MAPK8: variants seen among roughly 807,000 people sequenced by gnomAD.
The protein encoded by MAPK8 is mitogen-activated protein kinase 8.
In MAPK8, 13 loss-of-function variants were observed where a neutral mutation model predicts 52.9. The ratio of observed to expected loss-of-function variants is 0.25; its 90% CI spans 0.16 to 0.39. The LOEUF (loss-of-function observed/expected upper bound fraction) is 0.39. Ranked by LOEUF, MAPK8 falls within the 10% of genes least tolerant of loss-of-function variation. The pLI, the probability that MAPK8 is intolerant of heterozygous loss-of-function variation, is 1.00. For synonymous variants in MAPK8, 191 were observed against 169.8 expected (o/e 1.12, Z -0.97); for missense variants, 300 against 519.2 (o/e 0.58, Z 4.10).
intron 1 of MAPK8, among the ~76,000 whole-genome samples, chr10:48,363,127 A>C (rs1256704171): frequency 2.6e-5 from 4 of 152,146 alleles, no homozygotes; most frequent in Non-Finnish European, 5.9e-5. Context: ...AATGCACTGC[A>C]GCCTTGAACT....
At chr10:48,413,037 A>G (rs367885853) in intron 5 of MAPK8, among the ~76,000 whole-genome samples, 5 of 152,220 alleles carry the variant, frequency 3.3e-5, no homozygotes, top group African/African-American at 7.2e-5. Context: ...AAGCGGAATC[A>G]TGCAGTATTT....
chr10:48,424,435 G>A lies in MAPK8; in HGVS notation c.688+276G>A, dbSNP rs546814934. ...TTTATAATTTTAAAGTATACATGGTGTGTGTGATTTTATTTCTTTCTTTTT... is the reference window on the plus strand; with the variant it reads ...TTTATAATTTTAAAGTATACATGGTATGTGTGATTTTATTTCTTTCTTTTT... On this transcript the variant is annotated intron_variant, in intron 7 of 11. Coordinates refer to ENST00000374189, the MANE Select transcript of MAPK8 (RefSeq NM_001323329.2). 8.1e-5 allele frequency: 71 copies of A among 878,974 alleles called. No individual in the cohort carries two copies. The South Asian group carries it at 9.4e-4, about 12-fold the overall frequency. 54.4% of individuals were successfully genotyped at this position (878,974 alleles called of 1,614,324 possible).
At chr10:48,321,486 G>A (rs969832048) in intron 1 of MAPK8, among the ~76,000 whole-genome samples, 2 of 152,058 alleles carry the variant, frequency 1.3e-5, no homozygotes, top group Non-Finnish European at 2.9e-5. Flanking sequence ...TTTCTTGATG[G>A]CATCATTTGT....
At chr10:48,385,328 A>G (rs919660259) in intron 1 of MAPK8, among the ~76,000 whole-genome samples, 1 of 152,162 alleles carries the variant, frequency 6.6e-6, no homozygotes, top group Non-Finnish European at 1.5e-5. Context: ...GCTGACATTC[A>G]TGAATCAAAA....
chr10:48,435,113 A>T lies in MAPK8; in HGVS notation c.*84A>T. ...ACTTTGAAAACAATTCAGTGGTCTT[A>T]TTTTTGGGTGATTTTTCAAAAAATG... is the stretch of plus-strand genomic sequence containing the variant. On this transcript the variant is annotated 3_prime_UTR_variant, in exon 12 of 12. Coordinates refer to ENST00000374189, the MANE Select transcript of MAPK8 (RefSeq NM_001323329.2). The T allele has an allele frequency of 9.4e-7, 1 of 1,060,386 alleles. No homozygotes were observed. 65.7% of individuals were successfully genotyped at this position (1,060,386 alleles called of 1,614,324 possible).
At chr10:48,344,054 A>G (rs61838669) in intron 1 of MAPK8, among the ~76,000 whole-genome samples, 4,605 of 152,262 alleles carry the variant, frequency 0.03, 82 homozygotes, top group Non-Finnish European at 0.04. Flanking sequence ...GTGTACCTCC[A>G]CTCTGTCCCA....
At chr10:48,377,642 G>T (rs1372129159) in intron 1 of MAPK8, among the ~76,000 whole-genome samples, 4 of 152,032 alleles carry the variant, frequency 2.6e-5, no homozygotes, top group Non-Finnish European at 4.4e-5. Flanking sequence ...CCACCACATG[G>T]GCAGTAACTC....
intron 1 of MAPK8, among the ~76,000 whole-genome samples, chr10:48,338,269 G>A (rs1052014692): frequency 3.3e-5 from 5 of 152,054 alleles, no homozygotes; most frequent in Admixed American, 2.6e-4. Flanking sequence ...GATCAGGTAG[G>A]TTTTTTCCTA....
intron 1 of MAPK8, among the ~76,000 whole-genome samples, chr10:48,382,454 AACAT>A (rs1435484678): frequency 6.6e-6 from 1 of 152,168 alleles, no homozygotes; most frequent in Non-Finnish European, 1.5e-5. Flanking sequence ...TAAAAATACA[AACAT>A]AAGTGAAGAT....
At chr10:48,345,716 T>C (rs1440246201) in intron 1 of MAPK8, among the ~76,000 whole-genome samples, 2 of 152,160 alleles carry the variant, frequency 1.3e-5, no homozygotes, top group African/African-American at 2.4e-5. Flanking sequence ...GTGGATCTGC[T>C]CAGGACCCAG....
chr10:48,437,386 TTCTA>T lies in MAPK8; in HGVS notation c.*2360_*2363del, dbSNP rs1328891874. 6.6e-6 allele frequency: 1 copy of T among 152,212 alleles called. No individual in the cohort carries two copies. The highest frequency in any genetic ancestry group is 1.5e-5 in the Non-Finnish European group (1 of 68,024). 9.4% of individuals were successfully genotyped at this position (152,212 alleles called of 1,614,324 possible). A position where few individuals can be genotyped will look rare whatever the true frequency, so the allele number is the denominator to read the frequency against. The stretch of plus-strand genomic sequence containing the variant: ...TTTGAAGAGAAGTTACAAATAACAT[TTCTA>T]TCAGGTAGTACTTGTATGAAACCAC... On this transcript the variant is annotated 3_prime_UTR_variant, in exon 12 of 12. Coordinates refer to ENST00000374189, the MANE Select transcript of MAPK8 (RefSeq NM_001323329.2).
In MAPK8 at chr10:48,340,812, C is replaced by G. The variant is rs543101311; in HGVS notation, c.-50+33991C>G. 1.6e-4 allele frequency among the ~76,000 whole-genome samples: 24 copies of G among 152,332 alleles called. 1 individual carries two copies. The South Asian group carries it at 4.8e-3, about 30-fold the overall frequency. On this transcript the variant is annotated intron_variant, in intron 1 of 11. Coordinates refer to ENST00000374189, the MANE Select transcript of MAPK8 (RefSeq NM_001323329.2). ...ATGCCAATTTCTGGTGCTCTCTATT[C>G]TCTGAATCTCTCTCTTCTCTCTATA...
intron 1 of MAPK8, among the ~76,000 whole-genome samples, chr10:48,336,677 AACC>A (rs1287619880): frequency 6.6e-6 from 1 of 152,198 alleles, no homozygotes; most frequent in Admixed American, 6.5e-5. Flanking sequence ...AAAATAATAT[AACC>A]TATTGTGATA....
chr10:48,383,874 C>T (rs2041157494), intron 1 of MAPK8, among the ~76,000 whole-genome samples: 1 of 152,166 alleles, frequency 6.6e-6, no homozygotes. Flanking sequence ...AGGGATGACA[C>T]TTAACATGAA....
intron 1 of MAPK8, among the ~76,000 whole-genome samples, chr10:48,384,618 C>G (rs913930594): frequency 1.3e-5 from 2 of 152,188 alleles, no homozygotes; most frequent in Non-Finnish European, 2.9e-5. Context: ...AGGGTTACCC[C>G]TAGGTTAAAG....
chr10:48,405,309 T>G (rs2042404156), intron 3 of MAPK8, among the ~76,000 whole-genome samples: 1 of 152,152 alleles, frequency 6.6e-6, no homozygotes, highest in Admixed American at 6.5e-5. Flanking sequence ...AGGCTGACAT[T>G]TAGAAAACTG....
rs750593987 is a variant in MAPK8 at position 48,401,031 on chromosome 10, C to G, written c.-49-581C>G. On this transcript the variant is annotated intron_variant, in intron 1 of 11. Coordinates refer to ENST00000374189, the MANE Select transcript of MAPK8 (RefSeq NM_001323329.2). Reference sequence around the variant, plus strand: ...CTCATCCTTTCACCCATTACAGTCTCAGTATGTGTGTTACACCAGGAGGTT... The same window carrying G: ...CTCATCCTTTCACCCATTACAGTCTGAGTATGTGTGTTACACCAGGAGGTT... Among the ~76,000 whole-genome samples the G allele has an allele frequency of 9.3e-4, 142 of 152,192 alleles. 4 individuals are homozygous for G. Among genetic ancestry groups the G allele is most frequent in the Non-Finnish European group, 2.6e-4 (18 of 68,046 alleles).
At chr10:48,379,953 A>AC (rs1308837961) in intron 1 of MAPK8, among the ~76,000 whole-genome samples, 6 of 151,468 alleles carry the variant, frequency 4.0e-5, no homozygotes, top group South Asian at 2.1e-4. Flanking sequence ...AAAAAAAAAA[A>AC]AAAAAACAGA....
chr10:48,426,225 TC>T (rs1302666884), intron 8 of MAPK8, 154 bp from the exon 9 acceptor site: 10 of 899,860 alleles, frequency 1.1e-5, no homozygotes, highest in African/African-American at 8.7e-5. Flanking sequence ...GTTTTTTTTT[TC>T]TTTAATCTTA....
Sources: allele counts gnomAD v4.1 joint callset (sites outside exome capture counted in the v4.1 genomes callset), GRCh38; gene constraint gnomAD v4.1.1; transcripts MANE v1.5; gene names NCBI Gene and HGNC (gene_info 2026-07-23, HGNC 2026-07-21).